GRIK2: variants seen among roughly 807,000 people sequenced by gnomAD.
The protein encoded by GRIK2 is glutamate ionotropic receptor kainate type subunit 2.
GRIK2 carries 32 observed loss-of-function variants against 100.3 expected under a neutral mutation model. The ratio of observed to expected loss-of-function variants is 0.32; its 90% CI spans 0.24 to 0.43. The LOEUF is 0.43. Among genes scored for constraint, GRIK2 ranks in the 20% least tolerant of loss-of-function variants. GRIK2 has a pLI of 1.00. For missense variants in GRIK2, 843 were observed against 1,114.9 expected (o/e 0.76, Z 3.47); for synonymous variants, 417 against 389.4 (o/e 1.07, Z -0.83).
intron 2 of GRIK2, among the ~76,000 whole-genome samples, chr6:101,415,117 T>C (rs1357170078): frequency 6.6e-6 from 1 of 152,136 alleles, no homozygotes; most frequent in Non-Finnish European, 1.5e-5. Context: ...CTATAATCAC[T>C]GTTATCATTT....
chr6:101,677,992 C>T (rs966226416), intron 5 of GRIK2, among the ~76,000 whole-genome samples: 13 of 152,064 alleles, frequency 8.5e-5, no homozygotes, highest in Middle Eastern at 3.4e-3. Context: ...AATAAAACAA[C>T]GCACTAAGAT....
At chr6:101,601,262 C>T (rs1436184468) in intron 2 of GRIK2, among the ~76,000 whole-genome samples, 1 of 151,666 alleles carries the variant, frequency 6.6e-6, no homozygotes, top group African/African-American at 2.4e-5. Context: ...GTTGAACCAA[C>T]CTTGTATCTC....
intron 7 of GRIK2, among the ~76,000 whole-genome samples, chr6:101,780,790 T>C (rs998657915): frequency 6.6e-6 from 1 of 152,156 alleles, no homozygotes; most frequent in South Asian, 2.1e-4. Context: ...AATTTGGGTG[T>C]AAGAGACGCC....
intron 10 of GRIK2, among the ~76,000 whole-genome samples, chr6:101,835,175 A>C (rs1476531152): frequency 6.6e-6 from 1 of 152,162 alleles, no homozygotes; most frequent in Non-Finnish European, 1.5e-5. Flanking sequence ...TTCAATTTTC[A>C]CATTTCCTCT....
At chr6:102,064,087 C>A in intron 16 of GRIK2, 1 of 875,252 alleles carries the variant, frequency 1.1e-6, no homozygotes, top group South Asian at 1.5e-5. Context: ...TTTTTGTAGT[C>A]TGTTATATTA....
intron 9 of GRIK2, among the ~76,000 whole-genome samples, chr6:101,811,572 A>T (rs1354712400): frequency 3.3e-5 from 5 of 151,964 alleles, no homozygotes; most frequent in Non-Finnish European, 2.9e-5. Flanking sequence ...CTAACTGGGA[A>T]TGTTTATTTT....
chr6:102,051,280 C>CCTTCCTTA (rs1297146532), intron 15 of GRIK2, among the ~76,000 whole-genome samples: 6 of 149,608 alleles, frequency 4.0e-5, no homozygotes, highest in African/African-American at 1.5e-4. Flanking sequence ...TTCCTTCCTT[C>CCTTCCTTA]CTTCCTTCCT....
At chr6:102,052,780 TA>T (rs1298883650) in intron 15 of GRIK2, among the ~76,000 whole-genome samples, 1 of 152,128 alleles carries the variant, frequency 6.6e-6, no homozygotes, top group African/African-American at 2.4e-5. Context: ...TGCTTATAAT[TA>T]TATTTATATA....
intron 14 of GRIK2, among the ~76,000 whole-genome samples, chr6:101,938,032 T>C (rs977744860): frequency 6.6e-6 from 1 of 152,108 alleles, no homozygotes; most frequent in African/African-American, 2.4e-5. Flanking sequence ...TTTGTTTTCC[T>C]GTCTCTTTCC....
chr6:101,751,760 G>T lies in GRIK2; in HGVS notation c.952-47888G>T, dbSNP rs149347370. ...TCCTCTATATTTTCTGTAAATTGGTGGTTGGTTCTAGAGGCTTAATCACAC... is the reference window on the plus strand; with the variant it reads ...TCCTCTATATTTTCTGTAAATTGGTTGTTGGTTCTAGAGGCTTAATCACAC... On this transcript the variant is annotated intron_variant, in intron 7 of 16. Transcript: ENST00000369134. 3.4e-3 allele frequency among the ~76,000 whole-genome samples: 522 copies of T among 152,248 alleles called. 3 individuals carry two copies. The highest frequency in any genetic ancestry group is 6.8e-3 in the Middle Eastern group (2 of 294).
At chr6:101,926,518 A>C (rs1789914960) in intron 13 of GRIK2, among the ~76,000 whole-genome samples, 1 of 152,160 alleles carries the variant, frequency 6.6e-6, no homozygotes, top group African/African-American at 2.4e-5. Flanking sequence ...GGTCTTTGAG[A>C]ATTTGTATGC....
intron 2 of GRIK2, among the ~76,000 whole-genome samples, chr6:101,556,206 A>G (rs1301152173): frequency 1.3e-5 from 2 of 151,738 alleles, no homozygotes; most frequent in Non-Finnish European, 2.9e-5. Flanking sequence ...AAAATAATGA[A>G]CATGTAATCT....
chr6:102,068,680 T>C lies in GRIK2; in HGVS notation c.*169T>C. The C allele has an allele frequency of 1.7e-6, 1 of 588,756 alleles. No homozygotes were observed. The highest frequency in any genetic ancestry group is 3.0e-6 in the Non-Finnish European group (1 of 336,068). The allele number at this position is 588,756 out of a possible 1,614,324, so 36.5% of individuals were successfully genotyped here. On this transcript the variant is annotated 3_prime_UTR_variant, in exon 17 of 17. Coordinates refer to ENST00000369134, the MANE Select transcript of GRIK2 (RefSeq NM_021956.5). ...ATCTAAGCAGTTGCAATGATCAGAC[T>C]TGATTTACAAGCATCATGGATCAAC...
At chr6:101,915,898 A>T (rs1453429972) in intron 12 of GRIK2, among the ~76,000 whole-genome samples, 1 of 151,514 alleles carries the variant, frequency 6.6e-6, no homozygotes, top group South Asian at 2.1e-4. Context: ...GTTTAGTTAA[A>T]TTCCTTTAAT....
intron 2 of GRIK2, among the ~76,000 whole-genome samples, chr6:101,545,228 C>G (rs1420736790): frequency 6.6e-6 from 1 of 152,090 alleles, no homozygotes; most frequent in South Asian, 2.1e-4. Context: ...TTTTTTCTGA[C>G]TGCTTAAGTA....
chr6:101,613,708 C>T (rs1779777554), intron 2 of GRIK2, among the ~76,000 whole-genome samples: 2 of 149,684 alleles, frequency 1.3e-5, no homozygotes, highest in African/African-American at 2.4e-5. Context: ...ATTTGCTTTG[C>T]TTGGATACAC....
intron 11 of GRIK2, among the ~76,000 whole-genome samples, chr6:101,871,208 T>G (rs1211803778): frequency 1.3e-5 from 2 of 151,850 alleles, no homozygotes; most frequent in Non-Finnish European, 2.9e-5. Context: ...AACATCTTAA[T>G]AAAATCTTTT....
chr6:102,014,383 A>G lies in GRIK2; in HGVS notation c.2086-20958A>G, dbSNP rs186952407. Among the ~76,000 whole-genome samples the G allele has an allele frequency of 5.3e-5, 8 of 151,644 alleles. No homozygotes were observed. The East Asian group carries it at 1.4e-3, about 26-fold the overall frequency. Reference sequence around the variant, plus strand: ...GGTCTATGTATTAATTTTTTTTTCAAAAAACCCACTCCTGCCTTCACTGAT... The same window carrying G: ...GGTCTATGTATTAATTTTTTTTTCAGAAAACCCACTCCTGCCTTCACTGAT... On this transcript the variant is annotated intron_variant, in intron 14 of 16. Coordinates refer to ENST00000369134, the MANE Select transcript of GRIK2 (RefSeq NM_021956.5).
At chr6:101,575,967 G>C (rs567134910) in intron 2 of GRIK2, among the ~76,000 whole-genome samples, 1 of 152,042 alleles carries the variant, frequency 6.6e-6, no homozygotes, top group South Asian at 2.1e-4. Context: ...AGCCTAGTTA[G>C]TAAATAATTG....
Sources: allele counts gnomAD v4.1 joint callset (sites outside exome capture counted in the v4.1 genomes callset), GRCh38; gene constraint gnomAD v4.1.1; transcripts MANE v1.5; gene names NCBI Gene and HGNC (gene_info 2026-07-23, HGNC 2026-07-21).